TNNT3: variants seen among roughly 807,000 people sequenced by gnomAD.
TNNT3 encodes troponin T, fast skeletal muscle.
Under a neutral mutation model 54.2 loss-of-function variants are expected in TNNT3, and 36 were observed. The observed-to-expected ratio is 0.66, with a 90% CI of 0.51 to 0.88. The LOEUF (loss-of-function observed/expected upper bound fraction) is 0.88, where lower values mean the gene tolerates loss of function less well. Among genes scored for constraint, TNNT3 ranks in the 40% least tolerant of loss-of-function variants. The pLI is 0.00. For missense variants in TNNT3, 291 were observed against 331.6 expected (o/e 0.88, Z 0.95); for synonymous variants, 120 against 109.7 (o/e 1.09, Z -0.59).
intron 5 of TNNT3, 120 bp from the exon 6 acceptor site, chr11:1,926,575 C>A: frequency 6.2e-7 from 1 of 1,607,004 alleles, no homozygotes; most frequent in Middle Eastern, 1.7e-4. Context: ...TAACCCTGCA[C>A]AGCCTGGCCT....
At chr11:1,932,605 G>A in intron 9 of TNNT3, 91 bp downstream of exon 9, 1 of 1,356,436 alleles carries the variant, frequency 7.4e-7, no homozygotes, top group South Asian at 1.2e-5. Flanking sequence ...TTCCTCCCAA[G>A]TAGCCAGAGC....
At chr11:1,920,028 AG>A (rs1317828256) in intron 1 of TNNT3, among the ~76,000 whole-genome samples, 1 of 152,096 alleles carries the variant, frequency 6.6e-6, no homozygotes, top group Non-Finnish European at 1.5e-5. Flanking sequence ...GGAGGCCAGG[AG>A]GGGGCAAGTC....
intron 15 of TNNT3, 106 bp from the exon 16 acceptor site, chr11:1,938,332 C>G: frequency 7.7e-7 from 1 of 1,297,906 alleles, no homozygotes; most frequent in Non-Finnish European, 1.1e-6. Flanking sequence ...GGCCTGTGCC[C>G]TGAGAGCAGC....
At chr11:1,936,280 CA>C in intron 14 of TNNT3, 1 of 1,613,096 alleles carries the variant, frequency 6.2e-7, no homozygotes, top group Non-Finnish European at 8.5e-7. Flanking sequence ...CGCCCTGGGC[CA>C]GGCCCGTGGG....
Position 1,936,897 on chromosome 11 carries a change from C to G in TNNT3, c.682-66C>G. 5.3e-6 allele frequency: 8 copies of G among 1,520,370 alleles called. 1 individual carries two copies. 94.2% of individuals were successfully genotyped at this position (1,520,370 alleles called of 1,614,324 possible). A position where few individuals can be genotyped will look rare whatever the true frequency, so the allele number is the denominator to read the frequency against. On this transcript the variant is annotated intron_variant, in intron 14 of 15. Coordinates refer to ENST00000278317, the MANE Select transcript of TNNT3 (RefSeq NM_006757.4). Reference sequence around the variant, plus strand: ...CAGCCCACCCTGCGGTGGAGACAGGCCTTCACCCAGTACACGCAGGCCTGG... The same window carrying G: ...CAGCCCACCCTGCGGTGGAGACAGGGCTTCACCCAGTACACGCAGGCCTGG...
In TNNT3 at chr11:1,932,471, T is replaced by C; in HGVS notation, c.128T>C (p.Leu43Pro). The C allele has an allele frequency of 6.2e-7, 1 of 1,613,776 alleles. No individual in the cohort carries two copies. The highest frequency in any genetic ancestry group is 8.5e-7 in the Non-Finnish European group (1 of 1,179,966). ...DAEEEKPRPK[L>P]TAPKIPEGEK... The stretch of plus-strand genomic sequence containing the variant: ...GGGCCTCTCTGTCTCCTCTTCAGAC[T>C]CACTGCTCCTAAGATCCCAGAAGGG... Residue 43 changes from leucine to proline, a missense_variant and splice_region_variant, in exon 9 of 16, where the codon CTC becomes CCC. Leu to Pro is a moderately conservative substitution (Grantham distance 98). Transcript: ENST00000278317.
At chr11:1,923,602 C>A (rs373689006) in intron 4 of TNNT3, 30 bp downstream of exon 4, 9 of 1,559,098 alleles carry the variant, frequency 5.8e-6, no homozygotes, top group Non-Finnish European at 6.1e-6. Flanking sequence ...GAAGCCCCCC[C>A]AGCCCCTCCT....
At chr11:1,922,783 C>T in intron 1 of TNNT3, 74 bp from the exon 2 acceptor site, 1 of 1,470,226 alleles carries the variant, frequency 6.8e-7, no homozygotes, top group Non-Finnish European at 9.4e-7. Context: ...CCCCATCCCC[C>T]ATCCTACACC....
intron 15 of TNNT3, among the ~76,000 whole-genome samples, chr11:1,937,722 G>A (rs753469314): frequency 4.3e-4 from 66 of 152,314 alleles, no homozygotes; most frequent in Non-Finnish European, 8.8e-4. Flanking sequence ...GCTTCCCTGC[G>A]GCGCCCAGGG....
intron 8 of TNNT3, among the ~76,000 whole-genome samples, chr11:1,931,486 G>A (rs905230120): frequency 6.6e-6 from 1 of 152,184 alleles, no homozygotes; most frequent in Non-Finnish European, 1.5e-5. Context: ...ATGAGAAACG[G>A]CACCTCATGA....
chr11:1,936,740 C>T (rs1441001392), intron 14 of TNNT3, among the ~76,000 whole-genome samples: 1 of 152,226 alleles, frequency 6.6e-6, no homozygotes, highest in Non-Finnish European at 1.5e-5. Flanking sequence ...CAGGCCAGTA[C>T]AGGCTGGCGA....
chr11:1,929,941 G>A (rs1852868311), intron 8 of TNNT3, 113 bp downstream of exon 8: 2 of 1,386,072 alleles, frequency 1.4e-6, no homozygotes, highest in African/African-American at 1.4e-5. Flanking sequence ...GGGTGGCGGT[G>A]GCCAAGTGAG....
At chr11:1,925,697 G>C (rs895704694) in intron 5 of TNNT3, among the ~76,000 whole-genome samples, 2 of 152,100 alleles carry the variant, frequency 1.3e-5, no homozygotes, top group African/African-American at 4.8e-5. Context: ...CAGAGTGAGG[G>C]GAGAGAAGGC....
chr11:1,935,327 G>A (rs542602585), intron 14 of TNNT3: 8 of 328,554 alleles, frequency 2.4e-5, no homozygotes, highest in East Asian at 1.6e-4. Context: ...GCGTCCTTTC[G>A]ACAGAGCCTC....
intron 5 of TNNT3, chr11:1,926,384 G>T: frequency 6.4e-7 from 1 of 1,561,010 alleles, no homozygotes; most frequent in Non-Finnish European, 8.8e-7. Flanking sequence ...GTGGCGACGG[G>T]CTTTTCCATT....
At chr11:1,938,260 C>T in intron 15 of TNNT3, 178 bp from the exon 16 acceptor site, 1 of 713,596 alleles carries the variant, frequency 1.4e-6, no homozygotes, top group East Asian at 2.7e-5. Flanking sequence ...CTAGGCCCGC[C>T]AGGCACAGGT....
At chr11:1,928,861 T>G in intron 6 of TNNT3, 8 of 552,850 alleles carry the variant, frequency 1.4e-5, no homozygotes, top group Non-Finnish European at 2.0e-5. Flanking sequence ...GAGGTCCCCG[T>G]GTCCCTCCTA....
intron 14 of TNNT3, chr11:1,936,152 C>T (rs940141217): frequency 2.6e-5 from 42 of 1,598,652 alleles, no homozygotes; most frequent in Non-Finnish European, 3.4e-5. Flanking sequence ...CAAGCTAGCC[C>T]ACAGCCGGGC....
Position 1,938,428 on chromosome 11 carries a change from C to T in TNNT3, c.723-10C>T. 1 of 1,613,154 alleles carries T rather than the reference C, an allele frequency of 6.2e-7. No individual in the cohort carries two copies. The highest frequency in any genetic ancestry group is 1.3e-5 in the African/African-American group (1 of 75,044). Reference sequence around the variant, plus strand: ...CTGACCCTGAAGGATCACTTGCTTCCCATTTGCAGCAGCAAGAAGGCTGGG... The same window carrying T: ...CTGACCCTGAAGGATCACTTGCTTCTCATTTGCAGCAGCAAGAAGGCTGGG... On this transcript the variant is annotated splice_polypyrimidine_tract_variant and intron_variant, in intron 15 of 15. Transcript: ENST00000278317.
Sources: gnomAD v4.1 joint callset for allele counts (sites outside exome capture counted in the v4.1 genomes callset) on GRCh38, gnomAD v4.1.1 for gene constraint, MANE v1.5 for transcripts, NCBI Gene and HGNC (gene_info 2026-07-23, HGNC 2026-07-21) for gene names.